RARRES1: variants seen among roughly 807,000 people sequenced by gnomAD.
RARRES1 encodes the protein retinoic acid receptor responder 1.
A neutral mutation model predicts 30.6 loss-of-function variants in RARRES1; 34 were observed. The observed-to-expected ratio is 1.11, with a 90% CI of 0.84 to 1.48. The LOEUF (loss-of-function observed/expected upper bound fraction) is 1.48. RARRES1 is among the 40% of genes most tolerant of loss of function. The pLI, the probability that RARRES1 is intolerant of heterozygous loss-of-function variation, is 0.00. For synonymous variants in RARRES1, 153 were observed against 155.5 expected (o/e 0.98, Z 0.12); for missense variants, 373 against 386.5 (o/e 0.97, Z 0.29).
intron 1 of RARRES1, among the ~76,000 whole-genome samples, chr3:158,716,032 C>T (rs569173406): frequency 1.7e-4 from 26 of 152,326 alleles, no homozygotes; most frequent in South Asian, 6.2e-4. Flanking sequence ...CTATGTGCAC[C>T]GCAGCACCTG....
At chr3:158,710,591 G>T in intron 3 of RARRES1, 147 bp downstream of exon 3, 2 of 709,312 alleles carry the variant, frequency 2.8e-6, no homozygotes, top group Non-Finnish European at 2.3e-6. Context: ...TGATACCTCT[G>T]AGTTTTGTTT....
At chr3:158,728,499 G>T (rs1047695137) in intron 1 of RARRES1, among the ~76,000 whole-genome samples, 1 of 108,736 alleles carries the variant, frequency 9.2e-6, no homozygotes, top group East Asian at 3.1e-4. Context: ...GGGATCAATC[G>T]TGGTTTCTTT....
intron 4 of RARRES1, among the ~76,000 whole-genome samples, chr3:158,699,322 G>A (rs781037721): frequency 2.0e-5 from 3 of 151,992 alleles, no homozygotes; most frequent in Admixed American, 1.3e-4. Flanking sequence ...CACTTTCTTC[G>A]TACCAGACCT....
At chr3:158,729,544 G>A (rs1212064643) in intron 1 of RARRES1, among the ~76,000 whole-genome samples, 2 of 151,990 alleles carry the variant, frequency 1.3e-5, no homozygotes, top group East Asian at 2.0e-4. Flanking sequence ...TCTGCCTCCC[G>A]GGTTCAAGCA....
In RARRES1 at chr3:158,705,039, C is replaced by T. The variant is rs990809029; in HGVS notation, c.536-112G>A. The T allele has an allele frequency of 8.8e-6, 12 of 1,361,204 alleles. No individual in the cohort carries two copies. The African/African-American group carries it at 1.8e-4, about 20-fold the overall frequency. The allele number at this position is 1,361,204 out of a possible 1,614,324, so 84.3% of individuals were successfully genotyped here. ...TTAGTCATACCAGTCATCTCTCTCA[C>T]AGCAAGACCTTGAGCCATATATGTG... On this transcript the variant is annotated intron_variant, in intron 3 of 5. Coordinates refer to ENST00000237696, the MANE Select transcript of RARRES1 (RefSeq NM_206963.2).
intron 3 of RARRES1, among the ~76,000 whole-genome samples, chr3:158,710,367 C>T (rs902171784): frequency 3.3e-5 from 5 of 152,150 alleles, no homozygotes; most frequent in Non-Finnish European, 5.9e-5. Context: ...ACCACCACGC[C>T]TGGCTAATTT....
chr3:158,707,038 A>G (rs965890810), intron 3 of RARRES1, among the ~76,000 whole-genome samples: 9 of 152,098 alleles, frequency 5.9e-5, no homozygotes, highest in Non-Finnish European at 1.0e-4. Context: ...GTGTGGTGGC[A>G]CACGCCTGTA....
At chr3:158,730,409 TTCCTTC>T (rs1421159176) in intron 1 of RARRES1, among the ~76,000 whole-genome samples, 2 of 114,306 alleles carry the variant, frequency 1.7e-5, no homozygotes, top group African/African-American at 3.5e-5. Context: ...CCTTCCTTCC[TTCCTTC>T]CTCTCTCTCT....
intron 1 of RARRES1, among the ~76,000 whole-genome samples, chr3:158,729,379 C>A (rs1727797356): frequency 6.6e-6 from 1 of 151,660 alleles, no homozygotes. Context: ...TGAAGGATGT[C>A]AAATATCTTA....
chr3:158,716,803 C>T lies in RARRES1; in HGVS notation c.277-2944G>A, dbSNP rs532486584. Among the ~76,000 whole-genome samples the T allele has an allele frequency of 6.6e-5, 10 of 152,236 alleles. No homozygotes were observed. In the South Asian group the frequency reaches 1.9e-3, roughly 28 times the overall value. ...TTCACCGTGTTGCCCAGGCTGGTTT[C>T]GAACTCCTCAGCTCAGGCAATCCGC... On this transcript the variant is annotated intron_variant, in intron 1 of 5. Transcript: ENST00000237696.
intron 4 of RARRES1, among the ~76,000 whole-genome samples, chr3:158,700,439 A>G (rs2108129299): frequency 2.7e-5 from 4 of 146,480 alleles, no homozygotes; most frequent in Middle Eastern, 7.1e-3. Flanking sequence ...CCATTTTTAA[A>G]TACAAAATGT....
chr3:158,712,066 A>G (rs1028755668), intron 2 of RARRES1, among the ~76,000 whole-genome samples: 1 of 152,250 alleles, frequency 6.6e-6, no homozygotes, highest in African/African-American at 2.4e-5. Flanking sequence ...AAGAGAAGCC[A>G]GGGAACTTAT....
At chr3:158,716,799 GT>G (rs1727336331) in intron 1 of RARRES1, among the ~76,000 whole-genome samples, 1 of 152,156 alleles carries the variant, frequency 6.6e-6, no homozygotes, top group Non-Finnish European at 1.5e-5. Context: ...GCCCAGGCTG[GT>G]TTCGAACTCC....
intron 1 of RARRES1, among the ~76,000 whole-genome samples, chr3:158,722,766 C>T (rs182926537): frequency 1.7e-3 from 256 of 151,632 alleles, no homozygotes; most frequent in Non-Finnish European, 2.9e-3. Context: ...CCTGTAGTCC[C>T]AGCTACTTGG....
chr3:158,699,287 C>T (rs1196358152), intron 4 of RARRES1, among the ~76,000 whole-genome samples: 1 of 152,146 alleles, frequency 6.6e-6, no homozygotes, highest in African/African-American at 2.4e-5. Flanking sequence ...ATACTTCTTC[C>T]CCTAAGCTAG....
At chr3:158,715,555 G>C (rs1276347219) in intron 1 of RARRES1, among the ~76,000 whole-genome samples, 1 of 152,156 alleles carries the variant, frequency 6.6e-6, no homozygotes, top group Non-Finnish European at 1.5e-5. Flanking sequence ...TACACAGGGC[G>C]TTGTGAACAG....
intron 4 of RARRES1, among the ~76,000 whole-genome samples, chr3:158,700,171 C>T (rs1319021471): frequency 6.6e-6 from 1 of 151,254 alleles, no homozygotes; most frequent in African/African-American, 2.4e-5. Flanking sequence ...TTAATAGAGA[C>T]CACCTCGTCT....
At chr3:158,704,210 CTTTTTTTT>C (rs78169321) in intron 4 of RARRES1, among the ~76,000 whole-genome samples, 5 of 82,806 alleles carry the variant, frequency 6.0e-5, no homozygotes, top group East Asian at 1.1e-3. Flanking sequence ...TATTGCAATA[CTTTTTTTT>C]TTTTTTTTTT....
intron 1 of RARRES1, among the ~76,000 whole-genome samples, chr3:158,722,101 A>AAAAAAAG (rs1221502679): frequency 6.6e-6 from 1 of 151,844 alleles, no homozygotes. Flanking sequence ...AAAAAAAAAA[A>AAAAAAAG]AAAAAGAGTA....
Sources: gnomAD v4.1 joint callset for allele counts (sites outside exome capture counted in the v4.1 genomes callset) on GRCh38, gnomAD v4.1.1 for gene constraint, MANE v1.5 for transcripts, NCBI Gene and HGNC (gene_info 2026-07-23, HGNC 2026-07-21) for gene names.